The following ZNF717 variants were observed in gnomAD, a reference collection of about 807,000 sequenced individuals.
ZNF717 encodes the protein krueppel-like factor X17.
Under a neutral mutation model 13.8 loss-of-function variants are expected in ZNF717, and 9 were observed. The ratio of observed to expected loss-of-function variants is 0.65; its 90% confidence interval spans 0.39 to 1.14. The LOEUF is 1.14. Among genes scored for constraint, ZNF717 ranks in the 50% most tolerant of loss-of-function variants. The pLI is 0.01. For missense variants in ZNF717, 1,040 were observed against 1,080.7 expected (o/e 0.96, Z 0.53); for synonymous variants, 327 against 364.1 (o/e 0.90, Z 1.16).
Position 75,736,569 on chromosome 3 carries a change from G to A in ZNF717, c.*309C>T. 3.0e-6 allele frequency: 1 copy of A among 332,394 alleles called. No homozygotes were observed. 20.6% of individuals were successfully genotyped at this position (332,394 alleles called of 1,614,324 possible). ...CCCTTGAGACAAAGCCTAATCCTGA[G>A]AAAGGCCCTAACTCTCTTCAATTCT... On this transcript the variant is annotated 3_prime_UTR_variant, in exon 5 of 5. Transcript: ENST00000652011.
intron 6 of ZNF717, among the ~76,000 whole-genome samples, chr3:75,703,610 G>A (rs9854528): frequency 0.048 from 7,227 of 152,028 alleles, 225 homozygotes; most frequent in African/African-American, 0.16. Flanking sequence ...AATATCAACT[G>A]TATCAACTTC....
In ZNF717 at chr3:75,782,761, C is replaced by T. The variant is rs78538463; in HGVS notation, c.57+545G>A. On this transcript the variant is annotated intron_variant, in intron 2 of 4. Transcript: ENST00000652011. ...GCACAACATGCCGTGCTTTAGCGGACGATGACCGTTTCCACTGCACAACAC... is the reference window on the plus strand; with the variant it reads ...GCACAACATGCCGTGCTTTAGCGGATGATGACCGTTTCCACTGCACAACAC... Among the ~76,000 whole-genome samples, 10 of 126,946 alleles carry T rather than the reference C, an allele frequency of 7.9e-5. 1 individual carries two copies. In the South Asian group the frequency reaches 1.9e-3, roughly 24 times the overall value. The allele number at this position is 126,946 out of a possible 152,430, so 83.3% of individuals were successfully genotyped here.
intron 6 of ZNF717, among the ~76,000 whole-genome samples, chr3:75,704,131 T>C (rs1303182094): frequency 1.3e-5 from 2 of 152,308 alleles, no homozygotes; most frequent in African/African-American, 4.8e-5. Context: ...TATAACTCTT[T>C]CTCTTTATAG....
At position 75,741,483 on chromosome 3, in the gene ZNF717, A is replaced by G. The variant is rs1439366584; in HGVS notation, c.185-115T>C. 1.5e-4 allele frequency: 207 copies of G among 1,363,430 alleles called. No homozygotes were observed. The African/African-American group carries it at 2.3e-3, about 15-fold the overall frequency. The allele number at this position is 1,363,430 out of a possible 1,614,324, so 84.5% of individuals were successfully genotyped here. On this transcript the variant is annotated intron_variant, in intron 3 of 4. Transcript: ENST00000652011. The stretch of plus-strand genomic sequence containing the variant: ...ATGAAGGAGCCAATTTGAACATTTC[A>G]TTAGAGTAGTGACACATTTTTCATC...
chr3:75,781,424 T>C lies in ZNF717; in HGVS notation c.57+1882A>G, dbSNP rs6800073. Reference sequence around the variant, plus strand: ...GTGTTTCTGGGGACTCTCCGATTCATGAATCGTTTATTGCTCAACTAAACT... The same window carrying C: ...GTGTTTCTGGGGACTCTCCGATTCACGAATCGTTTATTGCTCAACTAAACT... On this transcript the variant is annotated intron_variant, in intron 2 of 4. Transcript: ENST00000652011. Among the ~76,000 whole-genome samples the C allele has an allele frequency of 1.0e-3, 152 of 152,328 alleles. 1 individual carries two copies. Among genetic ancestry groups the C allele is most frequent in the African/African-American group, 3.5e-3 (144 of 41,584 alleles).
intron 5 of ZNF717, among the ~76,000 whole-genome samples, chr3:75,711,625 A>G (rs1175048787): frequency 6.6e-6 from 1 of 152,134 alleles, no homozygotes; most frequent in Non-Finnish European, 1.5e-5. Context: ...GAGAAATCCC[A>G]TCTCTATAAA....
intron 6 of ZNF717, among the ~76,000 whole-genome samples, chr3:75,697,529 TG>T (rs1195654901): frequency 6.6e-6 from 1 of 152,310 alleles, no homozygotes; most frequent in African/African-American, 2.4e-5. Context: ...CTTTTTGCTG[TG>T]TGATGTGCAA....
downstream of ZNF717, among the ~76,000 whole-genome samples, chr3:75,733,081 G>T (rs1575737772): frequency 6.6e-6 from 1 of 152,126 alleles, no homozygotes; most frequent in Non-Finnish European, 1.5e-5. Context: ...TACTGCAAAA[G>T]ACCTGAAGAA....
rs201974353 is a variant in ZNF717 at position 75,739,243 on chromosome 3, C to T, written c.380G>A (p.Arg127Lys). 1.1e-6 allele frequency: 1 copy of T among 924,322 alleles called. No homozygotes were observed. Among genetic ancestry groups the T allele is most frequent in the African/African-American group, 1.7e-5 (1 of 58,976 alleles). 57.3% of individuals were successfully genotyped at this position (924,322 alleles called of 1,614,324 possible). The change falls in exon 5 of 5, where the codon AGA (arginine) becomes AAA (lysine). Residue 127 changes from arginine (R) to lysine (K), a missense_variant. This residue lies in a region of ZNF717 where 123 missense variants were observed against 177.8 expected (regional missense o/e 0.69). Coordinates refer to ENST00000652011, the MANE Select transcript of ZNF717 (RefSeq NM_001290208.3). ...ATTAAATGTTTTTCCTAATTCAACT[C>T]TCTCCTGAGTTGATGTGTTGCTGTT... ...ITNSNTSTQE[R>K]VELGKTFNLN...
At chr3:75,707,844 G>A (rs113102375), downstream of ZNF717, among the ~76,000 whole-genome samples, 2,151 of 124,568 alleles carry the variant, frequency 0.017, 53 homozygotes, top group African/African-American at 0.06. Flanking sequence ...ACGGAGTCCC[G>A]CTGATTGCTA....
At chr3:75,757,966 A>T (rs886839329) in intron 2 of ZNF717, among the ~76,000 whole-genome samples, 1 of 150,916 alleles carries the variant, frequency 6.6e-6, no homozygotes, top group Non-Finnish European at 1.5e-5. Context: ...AAAAAAAAAA[A>T]ATTTATCTGA....
intron 4 of ZNF717, among the ~76,000 whole-genome samples, chr3:75,723,798 T>C (rs1226234543): frequency 6.6e-6 from 1 of 152,102 alleles, no homozygotes; most frequent in Non-Finnish European, 1.5e-5. Context: ...ACCGGTTACT[T>C]AGCAGATCGG....
intron 2 of ZNF717, among the ~76,000 whole-genome samples, chr3:75,747,105 AT>A (rs1941253672): frequency 6.6e-6 from 1 of 152,082 alleles, no homozygotes; most frequent in Non-Finnish European, 1.5e-5. Context: ...TCCCACCACC[AT>A]TTGTTAAATA....
exon 6 of ZNF717, chr3:75,730,078 A>G (rs76579819): frequency 6.6e-6 from 1 of 152,334 alleles, no homozygotes; most frequent in Non-Finnish European, 1.5e-5. Context: ...TTACAAATTA[A>G]TAACTGTACA....
In ZNF717 at chr3:75,738,482, G is replaced by C; in HGVS notation, c.1141C>G (p.Leu381Val). The C allele has an allele frequency of 6.5e-7, 1 of 1,531,242 alleles. No homozygotes were observed. The highest frequency in any genetic ancestry group is 2.0e-5 in the Admixed American group (1 of 49,654). 94.9% of individuals were successfully genotyped at this position (1,531,242 alleles called of 1,614,324 possible). A position where few individuals can be genotyped will look rare whatever the true frequency, so the allele number is the denominator to read the frequency against. Reference sequence around the variant, plus strand: ...TGAGTTCTGTGATGTAAAGTGAGAAGTGACTTACAGTGAAAAGTTTTTCCA... The same window carrying C: ...TGAGTTCTGTGATGTAAAGTGAGAACTGACTTACAGTGAAAAGTTTTTCCA... ...ECGKTFHCKS[L>V]LTLHHRTHSG... The change falls in exon 5 of 5, where the codon CTT becomes GTT. Residue 381 changes from leucine (L) to valine (V), a missense_variant. Physicochemically the swap from Leu to Val is conservative, Grantham distance 32. Coordinates refer to ENST00000652011, the MANE Select transcript of ZNF717 (RefSeq NM_001290208.3).
intron 2 of ZNF717, among the ~76,000 whole-genome samples, chr3:75,767,389 T>C (rs963099379): frequency 6.6e-6 from 1 of 152,272 alleles, no homozygotes; most frequent in Non-Finnish European, 1.5e-5. Flanking sequence ...AATGAGTTGT[T>C]TTAAGCTGCC....
intron 2 of ZNF717, among the ~76,000 whole-genome samples, chr3:75,757,568 G>T (rs1013465741): frequency 6.6e-6 from 1 of 152,188 alleles, no homozygotes; most frequent in African/African-American, 2.4e-5. Context: ...TTACAGAGAT[G>T]TATAAAGAGC....
At chr3:75,723,162 G>A (rs201311601) in intron 4 of ZNF717, among the ~76,000 whole-genome samples, 4 of 150,962 alleles carry the variant, frequency 2.6e-5, no homozygotes, top group East Asian at 1.9e-4. Flanking sequence ...CAAGAACGCA[G>A]ATACGTTTTC....
downstream of ZNF717, among the ~76,000 whole-genome samples, chr3:75,707,839 G>A (rs760230479): frequency 2.2e-3 from 329 of 152,356 alleles, no homozygotes; most frequent in Non-Finnish European, 3.6e-3. Flanking sequence ...CACCCACGGA[G>A]TCCCGCTGAT....
Sources: gnomAD v4.1 joint callset for allele counts (sites outside exome capture counted in the v4.1 genomes callset) on GRCh38, gnomAD v4.1.1 for gene constraint, gnomAD v4.1.1 regional missense constraint, MANE v1.5 for transcripts, NCBI Gene and HGNC (gene_info 2026-07-23, HGNC 2026-07-21) for gene names.